The following COP1 variants were observed in gnomAD, a reference collection of about 807,000 sequenced individuals.
COP1 encodes COP1 E3 ubiquitin ligase.
Under a neutral mutation model 101.3 loss-of-function variants are expected in COP1, and 24 were observed. The ratio of observed to expected loss-of-function variants is 0.24; its 90% confidence interval spans 0.17 to 0.33. The LOEUF (loss-of-function observed/expected upper bound fraction) is 0.33. Among genes scored for constraint, COP1 ranks in the 10% least tolerant of loss-of-function variants. The probability of loss-of-function intolerance (pLI) is 1.00; values close to 1 mark genes in which losing one functional copy is unlikely to be tolerated. For synonymous variants in COP1, 347 were observed against 341.9 expected (o/e 1.01, Z -0.17); for missense variants, 663 against 906.2 (o/e 0.73, Z 3.45).
At chr1:175,954,642 G>A (rs1415261445) in intron 18 of COP1, among the ~76,000 whole-genome samples, 1 of 152,006 alleles carries the variant, frequency 6.6e-6, no homozygotes, top group Non-Finnish European at 1.5e-5. Flanking sequence ...GACAGGTAAT[G>A]AAATGAACAA....
chr1:176,053,345 C>T (rs1558009451), intron 11 of COP1, among the ~76,000 whole-genome samples: 1 of 152,140 alleles, frequency 6.6e-6, no homozygotes, highest in African/African-American at 2.4e-5. Context: ...CTGAAACCTC[C>T]CAGCTCAAAA....
At chr1:176,205,445 T>C (rs1700734481) in intron 1 of COP1, among the ~76,000 whole-genome samples, 1 of 152,212 alleles carries the variant, frequency 6.6e-6, no homozygotes, top group Non-Finnish European at 1.5e-5. Context: ...TTCCAACTTC[T>C]AGCTCTATCT....
At chr1:175,959,845 C>A (rs1047560993) in intron 18 of COP1, among the ~76,000 whole-genome samples, 4 of 152,078 alleles carry the variant, frequency 2.6e-5, no homozygotes, top group African/African-American at 7.2e-5. Context: ...TTAATGTAAA[C>A]CTGAATTGTA....
intron 9 of COP1, among the ~76,000 whole-genome samples, chr1:176,108,862 C>T (rs1016749851): frequency 2.0e-5 from 3 of 152,112 alleles, no homozygotes; most frequent in Admixed American, 2.0e-4. Context: ...GCCTCTAATC[C>T]CAGCACTTTG....
chr1:175,966,411 G>T (rs1201069485), intron 18 of COP1, among the ~76,000 whole-genome samples: 2 of 152,134 alleles, frequency 1.3e-5, no homozygotes, highest in Non-Finnish European at 2.9e-5. Flanking sequence ...CACTTAATCT[G>T]CATGGCAACC....
intron 3 of COP1, among the ~76,000 whole-genome samples, chr1:176,166,508 A>G (rs1251948461): frequency 6.6e-6 from 1 of 152,250 alleles, no homozygotes; most frequent in Non-Finnish European, 1.5e-5. Flanking sequence ...AAGTGTAAAC[A>G]AACAATGTAT....
At chr1:175,947,902 C>T (rs1301336581) in intron 18 of COP1, among the ~76,000 whole-genome samples, 2 of 152,090 alleles carry the variant, frequency 1.3e-5, no homozygotes, top group Non-Finnish European at 2.9e-5. Flanking sequence ...ATTGCTTTCC[C>T]AGCACACTCC....
chr1:176,124,707 T>C (rs1481672463), intron 8 of COP1, among the ~76,000 whole-genome samples: 1 of 152,242 alleles, frequency 6.6e-6, no homozygotes, highest in Admixed American at 6.5e-5. Context: ...TCTTGGCTAT[T>C]GTGAACAGTG....
intron 15 of COP1, among the ~76,000 whole-genome samples, chr1:176,010,347 T>C (rs920289101): frequency 6.6e-6 from 1 of 152,216 alleles, no homozygotes; most frequent in Non-Finnish European, 1.5e-5. Context: ...CATCCTATAT[T>C]CAGATATCTC....
At chr1:175,989,265 A>G (rs1657848107) in intron 16 of COP1, 97 bp downstream of exon 16, 2 of 627,886 alleles carry the variant, frequency 3.2e-6, no homozygotes, top group Admixed American at 2.4e-5. Context: ...ATATACTCCA[A>G]TATTATAGTT....
At chr1:175,962,759 T>A (rs964573416) in intron 18 of COP1, among the ~76,000 whole-genome samples, 5 of 151,924 alleles carry the variant, frequency 3.3e-5, no homozygotes, top group Admixed American at 1.3e-4. Flanking sequence ...TCACCGCACC[T>A]CCCCCTCCCT....
intron 1 of COP1, among the ~76,000 whole-genome samples, chr1:176,198,756 C>T (rs1019115083): frequency 2.0e-5 from 3 of 151,946 alleles, no homozygotes; most frequent in Non-Finnish European, 4.4e-5. Context: ...AGAACACTTA[C>T]AACGCAAGAT....
At position 176,037,067 on chromosome 1, in the gene COP1, C is replaced by T. The variant is rs561411480; in HGVS notation, c.1612+6119G>A. The stretch of plus-strand genomic sequence containing the variant: ...AAACCTTCAAACAAAGAAAACTACA[C>T]GCCCAGAAAGCTTCACTGACAAATT... On this transcript the variant is annotated intron_variant, in intron 14 of 19. Transcript: ENST00000367669. Among the ~76,000 whole-genome samples the T allele has an allele frequency of 4.6e-5, 7 of 152,230 alleles. No homozygotes were observed. In the East Asian group the frequency reaches 5.8e-4, roughly 13 times the overall value.
intron 15 of COP1, among the ~76,000 whole-genome samples, chr1:176,010,534 GTT>G (rs1463690043): frequency 6.6e-6 from 1 of 152,116 alleles, no homozygotes; most frequent in East Asian, 1.9e-4. Flanking sequence ...TTGTCTAAAT[GTT>G]TTCTTATTAT....
chr1:176,207,254 GCGC>G lies in COP1; in HGVS notation c.-279_-277del, dbSNP rs1700963197. The G allele has an allele frequency of 2.5e-6, 1 of 394,446 alleles. No individual in the cohort carries two copies. The highest frequency in any genetic ancestry group is 2.1e-5 in the African/African-American group (1 of 48,288). 24.4% of individuals were successfully genotyped at this position (394,446 alleles called of 1,614,324 possible). Reference sequence around the variant, plus strand: ...GGTCCCTGTAGCAGCCAACCCCGGCGCGCCGTGGCCGGCCGTGCGCGCGCGCGC... The same window carrying G: ...GGTCCCTGTAGCAGCCAACCCCGGCGCGTGGCCGGCCGTGCGCGCGCGCGC... On this transcript the variant is annotated 5_prime_UTR_variant, in exon 1 of 20. Coordinates refer to ENST00000367669, the MANE Select transcript of COP1 (RefSeq NM_022457.7).
intron 18 of COP1, among the ~76,000 whole-genome samples, chr1:175,974,677 C>A (rs1027352943): frequency 1.3e-5 from 2 of 151,954 alleles, no homozygotes; most frequent in Non-Finnish European, 2.9e-5. Context: ...AATATACAAA[C>A]ATAGTAACAG....
chr1:176,151,253 AAGAG>A (rs1264755944), intron 5 of COP1, among the ~76,000 whole-genome samples: 2 of 151,234 alleles, frequency 1.3e-5, no homozygotes, highest in Non-Finnish European at 3.0e-5. Flanking sequence ...GAAAGAAAGA[AAGAG>A]AGAAAGAAAG....
At chr1:176,149,115 CTGAGT>C (rs1692029714) in intron 5 of COP1, 41 bp from the exon 6 acceptor site, 2 of 1,348,134 alleles carry the variant, frequency 1.5e-6, no homozygotes, top group Non-Finnish European at 2.1e-6. Context: ...AAAAATATAA[CTGAGT>C]TGAAAGTTTT....
intron 8 of COP1, among the ~76,000 whole-genome samples, chr1:176,125,179 G>A (rs1252063747): frequency 6.6e-6 from 1 of 152,074 alleles, no homozygotes; most frequent in Non-Finnish European, 1.5e-5. Context: ...TGAGTAGTCT[G>A]CAAATATTTT....
Sources: allele counts gnomAD v4.1 joint callset (sites outside exome capture counted in the v4.1 genomes callset), GRCh38; gene constraint gnomAD v4.1.1; transcripts MANE v1.5; gene names NCBI Gene and HGNC (gene_info 2026-07-23, HGNC 2026-07-21).